The following DNMT3B variants were observed in gnomAD, a reference collection of about 807,000 sequenced individuals.
The protein encoded by DNMT3B is DNA methyltransferase 3 beta.
DNMT3B carries 37 observed loss-of-function variants against 120.2 expected under a neutral mutation model. That is an observed-to-expected ratio of 0.31 (90% confidence interval 0.24 to 0.40). The LOEUF (loss-of-function observed/expected upper bound fraction) is 0.40, where lower values mean the gene tolerates loss of function less well. DNMT3B is among the 10% of genes least tolerant of loss of function. The probability of loss-of-function intolerance (pLI) is 1.00; values close to 1 mark genes in which losing one functional copy is unlikely to be tolerated. For missense variants in DNMT3B, 878 were observed against 1,137.3 expected, an observed-to-expected ratio of 0.77 and a Z score of 3.28; for synonymous variants, 412 against 442.8, an observed-to-expected ratio of 0.93 and a Z score of 0.87.
At position 32,801,294 on chromosome 20, in the gene DNMT3B, C is replaced by T. The variant is rs1316082121; in HGVS notation, c.2013C>T (p.Leu671=). Reference sequence around the variant, plus strand: ...TGAGCACAGAGGGTACAGGCCGGCTCTTCTTCGAATTTTACCACCTGCTGA... The same window carrying T: ...TGAGCACAGAGGGTACAGGCCGGCTTTTCTTCGAATTTTACCACCTGCTGA... The part of the protein sequence containing the change: ...RKGLYEGTGR[L]FFEFYHLLNY... The change falls in exon 19 of 23, where the codon CTC becomes CTT. Residue 671 remains leucine, a synonymous_variant. Coordinates refer to ENST00000328111, the MANE Select transcript of DNMT3B (RefSeq NM_006892.4). 3 of 1,614,186 alleles carry T rather than the reference C, an allele frequency of 1.9e-6. No individual in the cohort carries two copies. The highest frequency in any genetic ancestry group is 1.7e-5 in the Admixed American group (1 of 60,014).
chr20:32,785,948 A>T (rs1437879771), intron 4 of DNMT3B, among the ~76,000 whole-genome samples: 3 of 150,760 alleles, frequency 2.0e-5, no homozygotes, highest in East Asian at 3.9e-4. Flanking sequence ...CAGTGACGTG[A>T]TCTCAGCACA....
rs368635669 is a variant in DNMT3B, at chr20:32,792,681, A to G, written c.977A>G (p.Glu326Gly). The change falls in exon 9 of 23, where the codon GAG becomes GGG. Residue 326 changes from glutamate (E) to glycine (G), a missense_variant. Physicochemically the swap from Glu to Gly is moderately conservative, Grantham distance 98. Transcript: ENST00000328111. ...CCCAGCAGCCCTGGAGACTCATTGG[A>G]GGACCAGCTGAAGCCCATGTTGGAG... ...TFPSSPGDSLEDQLKPMLEWA... is the reference protein window; with the variant it reads ...TFPSSPGDSLGDQLKPMLEWA... 6.2e-7 allele frequency: 1 copy of G among 1,614,102 alleles called. No individual in the cohort carries two copies. The highest frequency in any genetic ancestry group is 1.3e-5 in the African/African-American group (1 of 74,942).
At position 32,801,345 on chromosome 20, in the gene DNMT3B, T is replaced by C. The variant is rs913519656; in HGVS notation, c.2064T>C (p.Asp688=). 6.2e-7 allele frequency: 1 copy of C among 1,614,162 alleles called. No homozygotes were observed. Among genetic ancestry groups the C allele is most frequent in the Non-Finnish European group, 8.5e-7 (1 of 1,180,034 alleles). The stretch of plus-strand genomic sequence containing the variant: ...ATTACTCACGCCCCAAGGAGGGTGA[T>C]GACCGGCCGTTCTTCTGGATGTTTG... ...LLNYSRPKEG[D]DRPFFWMFEN... The change falls in exon 19 of 23, where the codon GAT becomes GAC. Residue 688 remains aspartate (D), a synonymous_variant. Transcript: ENST00000328111.
At chr20:32,792,553 G>A in intron 8 of DNMT3B, 73 bp from the exon 9 acceptor site, 2 of 1,611,930 alleles carry the variant, frequency 1.2e-6, no homozygotes, top group East Asian at 2.2e-5. Context: ...CCCTGGCTGG[G>A]GGAATCCCTG....
chr20:32,768,717 A>G (rs1018103405), intron 1 of DNMT3B, among the ~76,000 whole-genome samples: 8 of 152,262 alleles, frequency 5.3e-5, no homozygotes, highest in African/African-American at 1.9e-4. Flanking sequence ...GGGAGGCACT[A>G]ACTAGGGTCC....
intron 2 of DNMT3B, 148 bp downstream of exon 2, chr20:32,780,613 G>T (rs1482674707): frequency 7.5e-7 from 1 of 1,339,862 alleles, no homozygotes; most frequent in Non-Finnish European, 1.0e-6. Flanking sequence ...AGGGATGCAG[G>T]GTCGAGCCCT....
intron 16 of DNMT3B, 46 bp downstream of exon 16, chr20:32,799,374 G>A (rs1160100475): frequency 1.3e-6 from 2 of 1,585,640 alleles, no homozygotes; most frequent in African/African-American, 1.3e-5. Flanking sequence ...TGTCACAACA[G>A]GGTAGCCAGG....
intron 1 of DNMT3B, among the ~76,000 whole-genome samples, chr20:32,770,974 G>T (rs1459478082): frequency 6.6e-6 from 1 of 151,974 alleles, no homozygotes; most frequent in East Asian, 1.9e-4. Flanking sequence ...TGAACTCCTG[G>T]GCTCAAGCAA....
At chr20:32,768,315 C>G (rs1987511566) in intron 1 of DNMT3B, among the ~76,000 whole-genome samples, 1 of 151,836 alleles carries the variant, frequency 6.6e-6, no homozygotes, top group African/African-American at 2.4e-5. Flanking sequence ...GACTCAGCCT[C>G]CCGAGTAGCT....
intron 21 of DNMT3B, 130 bp downstream of exon 21, chr20:32,805,537 C>T: frequency 1.0e-6 from 1 of 975,650 alleles, no homozygotes; most frequent in Admixed American, 2.0e-5. Context: ...GGGCTTCCCT[C>T]TCCCACATGA....
rs766064158 is a variant in DNMT3B, at chr20:32,799,273, C to T, written c.1704C>T (p.Pro568=). 25 of 1,613,278 alleles carry T rather than the reference C, an allele frequency of 1.5e-5. No individual in the cohort carries two copies. Among genetic ancestry groups the T allele is most frequent in the East Asian group, 2.2e-5 (1 of 44,878 alleles). Reference sequence around the variant, plus strand: ...CCCCCAAGCTGTACCCTGCCATTCCCGCAGCCCGAAGGCGGCCCATTCGAG... The same window carrying T: ...CCCCCAAGCTGTACCCTGCCATTCCTGCAGCCCGAAGGCGGCCCATTCGAG... ...YEAPKLYPAI[P]AARRRPIRVL... The change falls in exon 16 of 23, where the codon CCC becomes CCT. Residue 568 remains proline (P), a synonymous_variant. Coordinates refer to ENST00000328111, the MANE Select transcript of DNMT3B (RefSeq NM_006892.4).
chr20:32,803,596 A>C (rs1333859162), intron 20 of DNMT3B, among the ~76,000 whole-genome samples: 1 of 152,134 alleles, frequency 6.6e-6, no homozygotes, highest in Non-Finnish European at 1.5e-5. Flanking sequence ...CCGAAGGGGG[A>C]GGGAGAGAAG....
intron 1 of DNMT3B, among the ~76,000 whole-genome samples, chr20:32,775,974 T>C (rs1988050697): frequency 2.6e-5 from 4 of 152,186 alleles, no homozygotes. Flanking sequence ...GTGCAGTGGC[T>C]CACGCCTGTA....
In DNMT3B at chr20:32,800,274, C is replaced by T. The variant is rs17123657; in HGVS notation, c.1881C>T (p.Asp627=). Residue 627 remains aspartate (D), a synonymous_variant, in exon 17 of 23, where the codon GAC becomes GAT. Transcript: ENST00000328111. ...AGGGGAATATCAAATACGTGAACGA[C>T]GTGAGGAACATCACAAAGAAAAATG... ...KHEGNIKYVN[D]VRNITKKNIE... 0.012 allele frequency: 19,287 copies of T among 1,614,076 alleles called. 1,354 individuals carry two copies. The African/African-American group carries it at 0.18, about 15-fold the overall frequency.
intron 22 of DNMT3B, among the ~76,000 whole-genome samples, 179 bp downstream of exon 22, chr20:32,806,506 G>C (rs570921537): frequency 1.3e-5 from 2 of 152,304 alleles, no homozygotes; most frequent in East Asian, 3.9e-4. Flanking sequence ...GGCGGAGGGG[G>C]TGTGGTGGTG....
At chr20:32,799,780 A>C (rs1981092753) in intron 16 of DNMT3B, among the ~76,000 whole-genome samples, 1 of 152,098 alleles carries the variant, frequency 6.6e-6, no homozygotes, top group African/African-American at 2.4e-5. Context: ...GGCATCCCAA[A>C]CCGCTGGGAT....
intron 3 of DNMT3B, among the ~76,000 whole-genome samples, chr20:32,784,137 G>A (rs1978973931): frequency 2.0e-5 from 3 of 152,138 alleles, no homozygotes; most frequent in Non-Finnish European, 4.4e-5. Flanking sequence ...GGCTGGTCTT[G>A]AACTCCTGAC....
intron 1 of DNMT3B, among the ~76,000 whole-genome samples, chr20:32,772,899 G>A (rs192313646): frequency 1.5e-5 from 2 of 129,952 alleles, no homozygotes; most frequent in East Asian, 2.3e-4. Context: ...TTTTGAGATG[G>A]AGTTTCGCTC....
At chr20:32,772,818 G>A (rs1488983818) in intron 1 of DNMT3B, among the ~76,000 whole-genome samples, 1 of 150,024 alleles carries the variant, frequency 6.7e-6, no homozygotes, top group African/African-American at 2.5e-5. Context: ...AGTATATTTT[G>A]GTGTCATGCA....
Sources: allele counts gnomAD v4.1 joint callset (sites outside exome capture counted in the v4.1 genomes callset), GRCh38; gene constraint gnomAD v4.1.1; transcripts MANE v1.5; gene names NCBI Gene and HGNC (gene_info 2026-07-23, HGNC 2026-07-21).